GAS7: variants seen among roughly 807,000 people sequenced by gnomAD.
GAS7 encodes growth arrest specific 7, also known as growth arrest-specific protein 7.
Under a neutral mutation model 71.1 loss-of-function variants are expected in GAS7, and 28 were observed. The observed-to-expected ratio is 0.39, with a 90% CI of 0.29 to 0.54. The LOEUF is 0.54. Among genes scored for constraint, GAS7 ranks in the 20% least tolerant of loss-of-function variants. GAS7 has a pLI of 0.62. For missense variants in GAS7, 436 were observed against 627.8 expected, an observed-to-expected ratio of 0.69 and a Z score of 3.27; for synonymous variants, 258 against 245.8, an observed-to-expected ratio of 1.05 and a Z score of -0.46.
At position 10,146,485 on chromosome 17, in the gene GAS7, G is replaced by A. The variant is rs373507981; in HGVS notation, c.183+51723C>T. ...ACTTAGTGTGGACCACAGACCAGCA[G>A]CACCAGAATCACCTGGGAACTTGCC... On this transcript the variant is annotated intron_variant, in intron 1 of 13. Transcript: ENST00000432992. 6.6e-4 allele frequency among the ~76,000 whole-genome samples: 100 copies of A among 152,288 alleles called. 1 individual carries two copies. The highest frequency in any genetic ancestry group is 2.4e-3 in the African/African-American group (99 of 41,562).
chr17:10,102,418 A>G (rs1379938030), intron 1 of GAS7, among the ~76,000 whole-genome samples: 1 of 151,704 alleles, frequency 6.6e-6, no homozygotes, highest in Non-Finnish European at 1.5e-5. Context: ...CCAGCATAGT[A>G]GTCTAATCTC....
chr17:10,180,858 C>T (rs2074408837), intron 1 of GAS7, among the ~76,000 whole-genome samples: 1 of 151,994 alleles, frequency 6.6e-6, no homozygotes, highest in Non-Finnish European at 1.5e-5. Context: ...CCATGAATGT[C>T]AGCATGAGGG....
intron 1 of GAS7, among the ~76,000 whole-genome samples, chr17:10,159,562 C>A (rs939845731): frequency 6.6e-6 from 1 of 152,082 alleles, no homozygotes; most frequent in Non-Finnish European, 1.5e-5. Context: ...ACCTCCATCA[C>A]CAAAAAGAAT....
In GAS7 at chr17:9,958,915, G is replaced by A. The variant is rs377121440; in HGVS notation, c.525+287C>T. On this transcript the variant is annotated intron_variant, in intron 5 of 13. Transcript: ENST00000432992. ...AGTCCACCCCCTTCAACCCACTCCC[G>A]CACGCATACCTTCCCCTCCTGCCCT... The A allele has an allele frequency of 1.4e-4, 182 of 1,295,208 alleles. 1 individual carries two copies. In the South Asian group the frequency reaches 1.7e-3, roughly 12 times the overall value. 80.2% of individuals were successfully genotyped at this position (1,295,208 alleles called of 1,614,324 possible).
chr17:10,103,706 A>C lies in GAS7; in HGVS notation c.184-83809T>G, dbSNP rs1424946864. Among the ~76,000 whole-genome samples, 1 of 152,044 alleles carries C rather than the reference A, an allele frequency of 6.6e-6. No homozygotes were observed. Among genetic ancestry groups the C allele is most frequent in the African/African-American group, 2.4e-5 (1 of 41,390 alleles). On this transcript the variant is annotated intron_variant, in intron 1 of 13. Transcript: ENST00000432992. This position sits in a 1 kb window ranked among gnomAD's most constrained non-coding sequence, Gnocchi z 5.5. Reference sequence around the variant, plus strand: ...CTGGGTGTGGTGGCACATGCCTGTAATCCCGGCTACTAGGGAGGCTGAGGC... The same window carrying C: ...CTGGGTGTGGTGGCACATGCCTGTACTCCCGGCTACTAGGGAGGCTGAGGC...
Position 9,998,699 on chromosome 17 carries a change from A to AAAGGGAAGGGAAGGGAAGGAAAAGGG in GAS7, c.305-16816_305-16815insCCCTTTTCCTTCCCTTCCCTTCCCTT, listed in dbSNP as rs1555615510. Among the ~76,000 whole-genome samples the AAAGGGAAGGGAAGGGAAGGAAAAGGG allele has an allele frequency of 6.3e-3, 964 of 152,096 alleles. 11 individuals carry two copies. Among genetic ancestry groups the AAAGGGAAGGGAAGGGAAGGAAAAGGG allele is most frequent in the South Asian group, 0.043 (204 of 4,792 alleles). The stretch of plus-strand genomic sequence containing the variant: ...AGACAGAAAAGGAAAAGGAAAAGGA[A>AAAGGGAAGGGAAGGGAAGGAAAAGGG]AAGGGAAGGGAAGGGAAGGAAAAGA... On this transcript the variant is annotated intron_variant, in intron 2 of 13. Coordinates refer to ENST00000432992, the MANE Select transcript of GAS7 (RefSeq NM_201433.2).
intron 2 of GAS7, among the ~76,000 whole-genome samples, chr17:10,017,685 CA>C (rs2072097112): frequency 6.6e-6 from 1 of 152,170 alleles, no homozygotes; most frequent in African/African-American, 2.4e-5. Flanking sequence ...TTTTCGGATC[CA>C]TAGATAAAGT....
At chr17:10,193,260 C>CA (rs57261260) in intron 1 of GAS7, among the ~76,000 whole-genome samples, 26,736 of 113,326 alleles carry the variant, frequency 0.24, 3,415 homozygotes, top group African/African-American at 0.32. Flanking sequence ...CCTCTAGAGT[C>CA]AAAAAAAAAA....
intron 1 of GAS7, among the ~76,000 whole-genome samples, chr17:10,117,726 C>T (rs1383062178): frequency 1.3e-5 from 2 of 152,136 alleles, no homozygotes; most frequent in Non-Finnish European, 2.9e-5. Context: ...AAACAACAGA[C>T]TAGGGACCAG....
At chr17:10,033,708 A>G (rs145814757) in intron 1 of GAS7, among the ~76,000 whole-genome samples, 160 of 152,366 alleles carry the variant, frequency 1.1e-3, no homozygotes, top group African/African-American at 3.6e-3. Context: ...GTATAAGAGT[A>G]GGTGCCTCTG....
intron 2 of GAS7, among the ~76,000 whole-genome samples, chr17:10,001,542 G>C (rs180958055): frequency 6.6e-6 from 1 of 152,212 alleles, no homozygotes; most frequent in South Asian, 2.1e-4. Flanking sequence ...CCCCTGCAGC[G>C]GCCATCAGGG....
Position 9,975,364 on chromosome 17 carries a change from C to CA in GAS7, c.386-5603dup, listed in dbSNP as rs202104743. Among the ~76,000 whole-genome samples the CA allele has an allele frequency of 9.6e-3, 1,450 of 151,568 alleles. 23 individuals are homozygous for CA. Among genetic ancestry groups the CA allele is most frequent in the African/African-American group, 0.033 (1,346 of 41,276 alleles). ...GTGCGAAACTGTCTCCAAAACAAACCAAAAAAAACAAAGTTGAGGAACCCC... is the reference window on the plus strand; with the variant it reads ...GTGCGAAACTGTCTCCAAAACAAACCAAAAAAAAACAAAGTTGAGGAACCCC... On this transcript the variant is annotated intron_variant, in intron 3 of 13. Transcript: ENST00000432992.
intron 3 of GAS7, among the ~76,000 whole-genome samples, chr17:9,977,485 C>A (rs898125712): frequency 6.6e-6 from 1 of 152,198 alleles, no homozygotes; most frequent in Non-Finnish European, 1.5e-5. Flanking sequence ...TTAAGCCCAG[C>A]CCAAAGAGGA....
Position 9,972,233 on chromosome 17 carries a change from C to T in GAS7, c.386-2471G>A, listed in dbSNP as rs184633419. Among the ~76,000 whole-genome samples the T allele has an allele frequency of 3.5e-3, 534 of 152,310 alleles. 5 individuals are homozygous for T. Among genetic ancestry groups the T allele is most frequent in the African/African-American group, 0.012 (504 of 41,560 alleles). On this transcript the variant is annotated intron_variant, in intron 3 of 13. Transcript: ENST00000432992. The stretch of plus-strand genomic sequence containing the variant: ...TGGCCAAGTGCAGATACCATCCACC[C>T]GCTATGAAGGCAGCTTAAGAGGCAA...
In GAS7 at chr17:9,959,458, GA is replaced by G. The variant is rs1326863639; in HGVS notation, c.472-204del. ...CACGCCCAGCTCTCGGGCTGAAGGC[GA>G]ATTAAGGAAGCCTCCTGCACAGGCT... On this transcript the variant is annotated intron_variant, in intron 4 of 13. Coordinates refer to ENST00000432992, the MANE Select transcript of GAS7 (RefSeq NM_201433.2). This position sits in a 1 kb window ranked among gnomAD's most constrained non-coding sequence, Gnocchi z 5.0. The G allele has an allele frequency of 2.1e-6, 3 of 1,428,764 alleles. No homozygotes were observed. In the African/African-American group the frequency reaches 4.3e-5, roughly 21 times the overall value. The allele number at this position is 1,428,764 out of a possible 1,614,324, so 88.5% of individuals were successfully genotyped here. A position where few individuals can be genotyped will look rare whatever the true frequency, so the allele number is the denominator to read the frequency against.
intron 1 of GAS7, among the ~76,000 whole-genome samples, chr17:10,134,785 CT>C (rs1381162044): frequency 2.0e-5 from 3 of 152,014 alleles, no homozygotes; most frequent in Non-Finnish European, 4.4e-5. Context: ...GGGCTACCCC[CT>C]GGGCAGACAG....
intron 1 of GAS7, among the ~76,000 whole-genome samples, chr17:10,124,651 C>A (rs947367195): frequency 6.6e-6 from 1 of 152,218 alleles, no homozygotes; most frequent in African/African-American, 2.4e-5. Context: ...CACAGTGGCT[C>A]ACGCCTGTAA....
chr17:9,944,731 C>A (rs1190806568), intron 6 of GAS7, among the ~76,000 whole-genome samples: 1 of 152,194 alleles, frequency 6.6e-6, no homozygotes, highest in Non-Finnish European at 1.5e-5. Context: ...GCTGTTCTTG[C>A]AGTTTAAAAG....
intron 2 of GAS7, among the ~76,000 whole-genome samples, chr17:10,009,299 C>T (rs553186158): frequency 2.8e-4 from 36 of 126,960 alleles, no homozygotes; most frequent in Admixed American, 1.5e-3. Context: ...CCAGTCTGGG[C>T]GACAGAGCGA....
Sources: allele counts gnomAD v4.1 joint callset (sites outside exome capture counted in the v4.1 genomes callset), GRCh38; gene constraint gnomAD v4.1.1; non-coding constraint Gnocchi (gnomAD v3.1); transcripts MANE v1.5; gene names NCBI Gene and HGNC (gene_info 2026-07-23, HGNC 2026-07-21).